Variants in GALNT14 observed in about 807,000 individuals in gnomAD.
The protein encoded by GALNT14 is polypeptide N-acetylgalactosaminyltransferase 14.
A neutral mutation model predicts 77.5 loss-of-function variants in GALNT14; 60 were observed. That is an observed-to-expected ratio of 0.77 (90% CI 0.63 to 0.96). The LOEUF (loss-of-function observed/expected upper bound fraction) is 0.96. GALNT14 is among the 40% of genes least tolerant of loss of function. The probability of loss-of-function intolerance (pLI) is 0.00; values close to 1 mark genes in which losing one functional copy is unlikely to be tolerated. For missense variants in GALNT14, 710 were observed against 731.0 expected (o/e 0.97, Z 0.33); for synonymous variants, 280 against 281.7 (o/e 0.99, Z 0.06).
At chr2:31,121,219 A>G (rs908363145) in intron 1 of GALNT14, among the ~76,000 whole-genome samples, 6 of 152,232 alleles carry the variant, frequency 3.9e-5, no homozygotes, top group African/African-American at 9.6e-5. Flanking sequence ...TAAGGAATCT[A>G]GACAGGCAAG....
At chr2:31,089,199 C>T (rs2886303) in intron 1 of GALNT14, among the ~76,000 whole-genome samples, 3 of 151,864 alleles carry the variant, frequency 2.0e-5, no homozygotes, top group Non-Finnish European at 2.9e-5. Flanking sequence ...CATTTGCAAT[C>T]TCAACTCGAG....
chr2:31,090,634 C>A (rs1324324672), intron 1 of GALNT14, among the ~76,000 whole-genome samples: 1 of 151,908 alleles, frequency 6.6e-6, no homozygotes, highest in Non-Finnish European at 1.5e-5. Context: ...GGATTACAGG[C>A]TCATACCTGG....
chr2:30,950,953 C>T (rs1372872070), intron 6 of GALNT14, among the ~76,000 whole-genome samples: 1 of 152,132 alleles, frequency 6.6e-6, no homozygotes, highest in Non-Finnish European at 1.5e-5. Context: ...TCATTAAGTG[C>T]CCAAAGAAAG....
At chr2:31,066,419 C>CG (rs1250773545) in intron 1 of GALNT14, among the ~76,000 whole-genome samples, 11 of 76,756 alleles carry the variant, frequency 1.4e-4, no homozygotes, top group Admixed American at 6.8e-4. Context: ...GGGCGGGGGG[C>CG]GGGGGGGTGG....
chr2:30,903,072 C>A, the GALNT14 span, among the ~76,000 whole-genome samples: 1 of 152,290 alleles, frequency 6.6e-6, no homozygotes, highest in East Asian at 1.9e-4. Context: ...AGAGCCACAT[C>A]GTAACTATAG....
At chr2:30,907,720 A>C (rs1276768954), downstream of GALNT14, among the ~76,000 whole-genome samples, 3 of 150,102 alleles carry the variant, frequency 2.0e-5, no homozygotes, top group Admixed American at 1.3e-4. Flanking sequence ...TGAGGCCAGC[A>C]TCATTCTGAT....
In GALNT14 at chr2:30,955,990, A is replaced by G. The variant is rs1313116724; in HGVS notation, c.467-13T>C. On this transcript the variant is annotated splice_polypyrimidine_tract_variant and intron_variant, in intron 4 of 14. Transcript: ENST00000349752. ...TTACAGTCATCAGCTGCAAAGACAAAAGGTTAAGCCAATTGAGCGCCCAGG... is the reference window on the plus strand; with the variant it reads ...TTACAGTCATCAGCTGCAAAGACAAGAGGTTAAGCCAATTGAGCGCCCAGG... 6.2e-7 allele frequency: 1 copy of G among 1,614,138 alleles called. No individual in the cohort carries two copies. The highest frequency in any genetic ancestry group is 1.1e-5 in the South Asian group (1 of 91,084).
the GALNT14 span, among the ~76,000 whole-genome samples, chr2:30,899,757 A>C: frequency 6.6e-6 from 1 of 152,182 alleles, no homozygotes; most frequent in Non-Finnish European, 1.5e-5. Context: ...AGTCGGCTCC[A>C]TGGCAAATGG....
At chr2:31,035,553 ATGTGTGTGTGTGTGTATGTG>A (rs1672664577) in intron 1 of GALNT14, among the ~76,000 whole-genome samples, 2 of 129,438 alleles carry the variant, frequency 1.5e-5, no homozygotes, top group Non-Finnish European at 3.2e-5. Flanking sequence ...GATAAAGAAA[ATGTGTGTGTGTGTGTATGTG>A]TGTGTGTGTG....
chr2:31,046,383 C>T lies in GALNT14; in HGVS notation c.130-53376G>A, dbSNP rs556347474. Among the ~76,000 whole-genome samples, 17 of 152,172 alleles carry T rather than the reference C, an allele frequency of 1.1e-4. 1 individual carries two copies. In the South Asian group the frequency reaches 1.7e-3, roughly 15 times the overall value. On this transcript the variant is annotated intron_variant, in intron 1 of 14. Transcript: ENST00000349752. ...CTGGGATTACAGGTGCGTGCCACCACGCCCAGCTAATTTTTTTTGTATTTT... is the reference window on the plus strand; with the variant it reads ...CTGGGATTACAGGTGCGTGCCACCATGCCCAGCTAATTTTTTTTGTATTTT...
intron 1 of GALNT14, among the ~76,000 whole-genome samples, chr2:31,112,335 C>T (rs1336824528): frequency 1.3e-5 from 2 of 152,198 alleles, no homozygotes; most frequent in African/African-American, 4.8e-5. Flanking sequence ...TGTGAGACGT[C>T]CCATAGCATT....
At chr2:31,093,044 C>T (rs759344400) in intron 1 of GALNT14, among the ~76,000 whole-genome samples, 1 of 152,128 alleles carries the variant, frequency 6.6e-6, no homozygotes, top group East Asian at 1.9e-4. Flanking sequence ...GTCTGAGGTT[C>T]GTTCCATCAG....
the GALNT14 span, among the ~76,000 whole-genome samples, chr2:30,892,089 G>A: frequency 6.6e-6 from 1 of 152,128 alleles, no homozygotes; most frequent in African/African-American, 2.4e-5. Context: ...CTCACCAGAC[G>A]GTATGTGCTG....
At chr2:30,892,206 G>A in the GALNT14 span, among the ~76,000 whole-genome samples, 2 of 152,134 alleles carry the variant, frequency 1.3e-5, no homozygotes, top group African/African-American at 4.8e-5. Flanking sequence ...AGCTGAAAGA[G>A]AACAAAGCAA....
At chr2:31,003,651 G>C (rs577061229) in intron 1 of GALNT14, among the ~76,000 whole-genome samples, 10 of 152,108 alleles carry the variant, frequency 6.6e-5, no homozygotes, top group Non-Finnish European at 1.0e-4. Context: ...TCTCAATTGC[G>C]CTCCACATGC....
intron 1 of GALNT14, among the ~76,000 whole-genome samples, chr2:31,020,424 T>A (rs1671645363): frequency 6.6e-6 from 1 of 152,208 alleles, no homozygotes; most frequent in East Asian, 1.9e-4. Flanking sequence ...AAGCAGTCCC[T>A]GGTCCCCCTC....
At chr2:30,995,466 T>C (rs1468169043) in intron 1 of GALNT14, among the ~76,000 whole-genome samples, 3 of 152,206 alleles carry the variant, frequency 2.0e-5, no homozygotes, top group Non-Finnish European at 4.4e-5. Flanking sequence ...GTATATCCTA[T>C]GACATTCACA....
At chr2:30,956,633 G>A (rs1255575497) in intron 4 of GALNT14, among the ~76,000 whole-genome samples, 1 of 152,064 alleles carries the variant, frequency 6.6e-6, no homozygotes, top group Admixed American at 6.6e-5. Context: ...CAGCCTCCCA[G>A]ATAGCTGGGA....
At chr2:31,019,557 C>T (rs1219991816) in intron 1 of GALNT14, among the ~76,000 whole-genome samples, 1 of 152,180 alleles carries the variant, frequency 6.6e-6, no homozygotes, top group African/African-American at 2.4e-5. Flanking sequence ...ACAACCCAGT[C>T]CTGCACTCAA....
Sources: gnomAD v4.1 joint callset for allele counts (sites outside exome capture counted in the v4.1 genomes callset) on GRCh38, gnomAD v4.1.1 for gene constraint, MANE v1.5 for transcripts, NCBI Gene and HGNC (gene_info 2026-07-23, HGNC 2026-07-21) for gene names.